TRIM66: variants seen among roughly 807,000 people sequenced by gnomAD.
The protein encoded by TRIM66 is tripartite motif containing 66, also known as tripartite motif-containing protein 66.
In TRIM66, 99 loss-of-function variants were observed where a neutral mutation model predicts 148.2. The ratio of observed to expected loss-of-function variants is 0.67; its 90% CI spans 0.57 to 0.79. TRIM66 has a LOEUF of 0.79. Among genes scored for constraint, TRIM66 ranks in the 30% least tolerant of loss-of-function variants. TRIM66 has a pLI of 0.00. For missense variants in TRIM66, 1,666 were observed against 1,697.9 expected (o/e 0.98, Z 0.33); for synonymous variants, 616 against 635.9 (o/e 0.97, Z 0.47).
chr11:8,612,917 C>A lies in TRIM66; in HGVS notation c.*5027G>T, dbSNP rs755847423. On this transcript the variant is annotated 3_prime_UTR_variant, in exon 25 of 25. Transcript: ENST00000646038. Reference sequence around the variant, plus strand: ...CTGGTAATCCAGTTTAGCCAGACTGCGGCCTGGATGCTGTAAAACCTAATC... The same window carrying A: ...CTGGTAATCCAGTTTAGCCAGACTGAGGCCTGGATGCTGTAAAACCTAATC... 1 of 152,270 alleles carries A rather than the reference C, an allele frequency of 6.6e-6. No individual in the cohort carries two copies. Among genetic ancestry groups the A allele is most frequent in the African/African-American group, 2.4e-5 (1 of 41,434 alleles). 9.4% of individuals were successfully genotyped at this position (152,270 alleles called of 1,614,324 possible).
chr11:8,657,242 C>A (rs2037906938), intron 6 of TRIM66, among the ~76,000 whole-genome samples: 1 of 152,226 alleles, frequency 6.6e-6, no homozygotes. Context: ...GAGGCCAATG[C>A]TAAGCAATCC....
chr11:8,637,449 T>C (rs1426135961), intron 15 of TRIM66, among the ~76,000 whole-genome samples: 2 of 152,132 alleles, frequency 1.3e-5, no homozygotes, highest in Non-Finnish European at 2.9e-5. Context: ...CAATATACAG[T>C]ACCTCAAGGG....
At chr11:8,678,256 A>C (rs2039269801) in intron 3 of TRIM66, 1 of 151,962 alleles carries the variant, frequency 6.6e-6, no homozygotes, top group Non-Finnish European at 1.5e-5. Flanking sequence ...ATACAATAAG[A>C]ATTTTTTAAA....
At chr11:8,645,597 A>C in intron 12 of TRIM66, 144 bp downstream of exon 12, 1 of 959,334 alleles carries the variant, frequency 1.0e-6, no homozygotes, top group Non-Finnish European at 1.5e-6. Context: ...TTGAATTTGA[A>C]GGATGGATGG....
rs944298283 is a variant in TRIM66 at position 8,674,789 on chromosome 11, C to T, written c.-112+17G>A. The T allele has an allele frequency of 2.6e-5, 4 of 152,162 alleles. No individual in the cohort carries two copies. The highest frequency in any genetic ancestry group is 6.5e-5 in the Admixed American group (1 of 15,278). The allele number at this position is 152,162 out of a possible 1,614,324, so 9.4% of individuals were successfully genotyped here. A position where few individuals can be genotyped will look rare whatever the true frequency, so the allele number is the denominator to read the frequency against. On this transcript the variant is annotated intron_variant, in intron 4 of 24. Transcript: ENST00000646038. ...CTTTAACATCTGGCTTAATAAAAGACGGCTGGACTCCCATACCTGTTTCTG... is the reference window on the plus strand; with the variant it reads ...CTTTAACATCTGGCTTAATAAAAGATGGCTGGACTCCCATACCTGTTTCTG...
chr11:8,626,228 T>TA (rs781769872), intron 15 of TRIM66, among the ~76,000 whole-genome samples: 12 of 151,932 alleles, frequency 7.9e-5, no homozygotes, highest in South Asian at 4.2e-4. Flanking sequence ...CCCTGCCCTT[T>TA]AAAAAAAAGA....
rs2033507902 is a variant in TRIM66 at position 8,613,211 on chromosome 11, C to A, written c.*4733G>T. The A allele has an allele frequency of 6.6e-6, 1 of 152,158 alleles. No homozygotes were observed. Among genetic ancestry groups the A allele is most frequent in the African/African-American group, 2.4e-5 (1 of 41,408 alleles). The allele number at this position is 152,158 out of a possible 1,614,324, so 9.4% of individuals were successfully genotyped here. ...CACAGACAGCCACAGACATTTCCCC[C>A]ATCTAGGTTTCAAGGACAGCTCAGC... On this transcript the variant is annotated 3_prime_UTR_variant, in exon 25 of 25. Transcript: ENST00000646038.
chr11:8,613,582 G>A lies in TRIM66; in HGVS notation c.*4362C>T, dbSNP rs894349115. 2 of 152,274 alleles carry A rather than the reference G, an allele frequency of 1.3e-5. No individual in the cohort carries two copies. The highest frequency in any genetic ancestry group is 2.4e-5 in the African/African-American group (1 of 41,448). 9.4% of individuals were successfully genotyped at this position (152,274 alleles called of 1,614,324 possible). A position where few individuals can be genotyped will look rare whatever the true frequency, so the allele number is the denominator to read the frequency against. On this transcript the variant is annotated 3_prime_UTR_variant, in exon 25 of 25. Transcript: ENST00000646038. ...CTCTGAGAAATGCTGTTTTAATCTT[G>A]TGGAGAACTTGTTTGCAGGCTGTGT... is the stretch of plus-strand genomic sequence containing the variant.
chr11:8,616,352 A>G lies in TRIM66; in HGVS notation c.*1592T>C, dbSNP rs556161771. The G allele has an allele frequency of 1.4e-4, 22 of 152,386 alleles. No individual in the cohort carries two copies. Among genetic ancestry groups the G allele is most frequent in the South Asian group, 1.0e-3 (5 of 4,830 alleles). The allele number at this position is 152,386 out of a possible 1,614,324, so 9.4% of individuals were successfully genotyped here. The stretch of plus-strand genomic sequence containing the variant: ...AACTGCTCATTAGCAAAGGCCCTAC[A>G]AACAAGAACATCCTTGAACTTCATC... On this transcript the variant is annotated 3_prime_UTR_variant, in exon 25 of 25. Transcript: ENST00000646038.
At chr11:8,631,022 T>G (rs2035343778) in intron 15 of TRIM66, among the ~76,000 whole-genome samples, 1 of 152,192 alleles carries the variant, frequency 6.6e-6, no homozygotes, top group African/African-American at 2.4e-5. Context: ...TGTGTTGACA[T>G]TATTATTCTA....
At chr11:8,623,744 G>A (rs1592019301) in intron 17 of TRIM66, among the ~76,000 whole-genome samples, 1 of 152,178 alleles carries the variant, frequency 6.6e-6, no homozygotes, top group African/African-American at 2.4e-5. Context: ...GGGAAGCTGA[G>A]AAGCGAATCA....
At position 8,638,732 on chromosome 11, in the gene TRIM66, C is replaced by T. The variant is rs963527149; in HGVS notation, c.2232G>A (p.Ala744=). ...DKNTAAALPQ[A]SGEETPLSVP... ...CACTGAGAGGGGTTTCTTCCCCAGA[C>T]GCCTGGGGCAAGGCAGCAGCAGTAT... The change falls in exon 15 of 25, where the codon GCG becomes GCA. Residue 744 remains alanine (A), a synonymous_variant. Transcript: ENST00000646038. The T allele has an allele frequency of 5.4e-5, 83 of 1,550,096 alleles. No individual in the cohort carries two copies. The highest frequency in any genetic ancestry group is 2.9e-4 in the African/African-American group (21 of 72,884).
Position 8,633,378 on chromosome 11 carries a change from C to T in TRIM66, c.2310+5276G>A, listed in dbSNP as rs115412070. On this transcript the variant is annotated intron_variant, in intron 15 of 24. Transcript: ENST00000646038. ...CTTCTAAAACACTTTACACACTATT[C>T]TGTCTTATTAAACAGATAGGAGCAA... Among the ~76,000 whole-genome samples the T allele has an allele frequency of 3.8e-3, 579 of 152,222 alleles. 5 individuals are homozygous for T. Among genetic ancestry groups the T allele is most frequent in the African/African-American group, 0.013 (556 of 41,530 alleles).
At chr11:8,678,819 A>G (rs1423665821) in intron 3 of TRIM66, among the ~76,000 whole-genome samples, 2 of 152,216 alleles carry the variant, frequency 1.3e-5, no homozygotes, top group African/African-American at 4.8e-5. Context: ...GAACCCAGTG[A>G]GGAGAGAAAG....
chr11:8,620,315 C>T, intron 21 of TRIM66, 131 bp downstream of exon 21: 1 of 1,431,556 alleles, frequency 7.0e-7, no homozygotes, highest in Non-Finnish European at 9.4e-7. Context: ...ACCCCTGGGC[C>T]AAGTTGTCAG....
chr11:8,627,573 T>C (rs945013343), intron 15 of TRIM66, among the ~76,000 whole-genome samples: 2 of 152,216 alleles, frequency 1.3e-5, no homozygotes, highest in African/African-American at 4.8e-5. Context: ...ATTATTTTTA[T>C]TGTTATTATT....
At chr11:8,644,239 G>A (rs2036654171) in intron 12 of TRIM66, 1 of 337,572 alleles carries the variant, frequency 3.0e-6, no homozygotes. Flanking sequence ...CCTACTCTTA[G>A]GTAATCCAGC....
rs545011844 is a variant in TRIM66, at chr11:8,645,230, T to G, written c.1104+511A>C. Among the ~76,000 whole-genome samples, 21 of 152,342 alleles carry G rather than the reference T, an allele frequency of 1.4e-4. 1 individual carries two copies. In the South Asian group the frequency reaches 4.4e-3, roughly 32 times the overall value. On this transcript the variant is annotated intron_variant, in intron 12 of 24. Coordinates refer to ENST00000646038, the MANE Select transcript of TRIM66 (RefSeq NM_001388022.1). ...ATGGTAGGTAGCTTGGAGTTGGTTT[T>G]GGATGCACTACAGGCACCTTAGATT...
At chr11:8,646,687 T>C in intron 10 of TRIM66, 126 bp from the exon 11 acceptor site, 2 of 679,884 alleles carry the variant, frequency 2.9e-6, no homozygotes, top group Non-Finnish European at 2.5e-6. Context: ...AGACACCAAA[T>C]ACAAAAAAAA....
Sources: allele counts gnomAD v4.1 joint callset (sites outside exome capture counted in the v4.1 genomes callset), GRCh38; gene constraint gnomAD v4.1.1; transcripts MANE v1.5; gene names NCBI Gene and HGNC (gene_info 2026-07-23, HGNC 2026-07-21).